ARNT2: variants seen among roughly 807,000 people sequenced by gnomAD.
ARNT2 encodes aryl hydrocarbon receptor nuclear translocator 2, also known as ARNT protein 2.
Under a neutral mutation model 91.7 loss-of-function variants are expected in ARNT2, and 36 were observed. The observed-to-expected ratio is 0.39, with a 90% CI of 0.30 to 0.52. ARNT2 has a LOEUF of 0.52. Ranked by LOEUF, ARNT2 falls within the 20% of genes least tolerant of loss-of-function variation. The pLI is 0.72. For synonymous variants in ARNT2, 365 were observed against 347.1 expected, an observed-to-expected ratio of 1.05 and a Z score of -0.57; for missense variants, 775 against 939.3, an observed-to-expected ratio of 0.83 and a Z score of 2.29.
chr15:80,441,180 A>G (rs4321157), intron 1 of ARNT2: 2 of 979,504 alleles, frequency 2.0e-6, no homozygotes, highest in African/African-American at 3.5e-5. Flanking sequence ...ATTGATCAGT[A>G]TGCAAGACAG....
intron 8 of ARNT2, among the ~76,000 whole-genome samples, chr15:80,525,396 A>T (rs567095657): frequency 1.3e-5 from 2 of 152,272 alleles, no homozygotes; most frequent in South Asian, 4.2e-4. Context: ...CACATATAAC[A>T]CTATTTTGTG....
At chr15:80,499,756 G>C (rs1897166106) in intron 5 of ARNT2, among the ~76,000 whole-genome samples, 1 of 152,182 alleles carries the variant, frequency 6.6e-6, no homozygotes, top group South Asian at 2.1e-4. Context: ...GGGTGTGTCA[G>C]GTGCTCAGTC....
At chr15:80,587,976 A>G (rs1893207887) in intron 17 of ARNT2, among the ~76,000 whole-genome samples, 1 of 152,222 alleles carries the variant, frequency 6.6e-6, no homozygotes. Context: ...GACCGCGGTC[A>G]ACCACTAAGC....
chr15:80,521,063 C>T (rs1332460115), intron 8 of ARNT2, among the ~76,000 whole-genome samples: 3 of 152,134 alleles, frequency 2.0e-5, no homozygotes, highest in African/African-American at 4.8e-5. Flanking sequence ...CATTCCTAGA[C>T]ACGATGTTAA....
chr15:80,421,467 T>A (rs1336153842), intron 1 of ARNT2, among the ~76,000 whole-genome samples: 1 of 151,866 alleles, frequency 6.6e-6, no homozygotes, highest in African/African-American at 2.4e-5. Context: ...GAAGGAAAGC[T>A]GTCATCACAA....
At chr15:80,505,747 GTGCCAATGA>G (rs1284434661) in intron 5 of ARNT2, among the ~76,000 whole-genome samples, 1 of 152,048 alleles carries the variant, frequency 6.6e-6, no homozygotes, top group African/African-American at 2.4e-5. Flanking sequence ...GGTAGTGGTG[GTGCCAATGA>G]CAAAGATAGG....
At chr15:80,528,386 CT>C (rs1897674829) in intron 8 of ARNT2, among the ~76,000 whole-genome samples, 1 of 152,016 alleles carries the variant, frequency 6.6e-6, no homozygotes, top group Admixed American at 6.6e-5. Flanking sequence ...ATCTATCTAT[CT>C]ATCTATCTAT....
At chr15:80,484,576 T>C (rs1388623557) in intron 5 of ARNT2, among the ~76,000 whole-genome samples, 1 of 152,278 alleles carries the variant, frequency 6.6e-6, no homozygotes, top group Non-Finnish European at 1.5e-5. Flanking sequence ...ATGCATAGCA[T>C]GGCTGATGCT....
chr15:80,413,338 C>T (rs546042482), intron 1 of ARNT2, among the ~76,000 whole-genome samples: 10 of 152,306 alleles, frequency 6.6e-5, no homozygotes, highest in South Asian at 2.1e-4. Flanking sequence ...CTTTGCTCAC[C>T]GTCTATTGTC....
chr15:80,471,195 C>T (rs887638695), intron 4 of ARNT2, among the ~76,000 whole-genome samples: 4 of 152,192 alleles, frequency 2.6e-5, no homozygotes, highest in African/African-American at 9.7e-5. Flanking sequence ...TACTACACAG[C>T]CATATAAAAG....
chr15:80,575,183 T>C, intron 14 of ARNT2, 73 bp downstream of exon 14: 18 of 1,575,540 alleles, frequency 1.1e-5, no homozygotes, highest in Non-Finnish European at 1.6e-5. Context: ...TACAGACAGC[T>C]ACTCTTAGTA....
chr15:80,520,866 CAG>C (rs1299274084), intron 8 of ARNT2, among the ~76,000 whole-genome samples: 2 of 152,130 alleles, frequency 1.3e-5, no homozygotes, highest in Admixed American at 6.5e-5. Flanking sequence ...CTTGTGGCTG[CAG>C]AGTTTACCCC....
Position 80,593,848 on chromosome 15 carries a change from A to G in ARNT2, c.*150A>G. The G allele has an allele frequency of 1.4e-6, 1 of 692,582 alleles. No individual in the cohort carries two copies. Among genetic ancestry groups the G allele is most frequent in the Admixed American group, 2.5e-5 (1 of 40,590 alleles). 42.9% of individuals were successfully genotyped at this position (692,582 alleles called of 1,614,324 possible). On this transcript the variant is annotated 3_prime_UTR_variant, in exon 19 of 19. Transcript: ENST00000303329. ...CCCGCTGTGTGTCCCCAGGCGCATC[A>G]TTGCTCCACTCTCCCCTGCAGCCGC...
chr15:80,486,947 A>G (rs1388492276), intron 5 of ARNT2, among the ~76,000 whole-genome samples: 5 of 152,016 alleles, frequency 3.3e-5, no homozygotes, highest in Non-Finnish European at 5.9e-5. Flanking sequence ...TTCCTGCTCT[A>G]TTCCTCTTCA....
chr15:80,480,362 G>A (rs182111651), intron 5 of ARNT2, among the ~76,000 whole-genome samples: 1 of 152,238 alleles, frequency 6.6e-6, no homozygotes, highest in Non-Finnish European at 1.5e-5. Flanking sequence ...AAGGGAGCAT[G>A]GAGTGAGCAG....
In ARNT2 at chr15:80,504,991, G is replaced by A. The variant is rs118139269; in HGVS notation, c.623-3165G>A. On this transcript the variant is annotated intron_variant, in intron 5 of 18. Coordinates refer to ENST00000303329, the MANE Select transcript of ARNT2 (RefSeq NM_014862.4). The stretch of plus-strand genomic sequence containing the variant: ...TTGGAGGCCTTTTATACTGGTCTGC[G>A]GGACTTGGATTTTCCTGACAACTAA... Among the ~76,000 whole-genome samples the A allele has an allele frequency of 4.8e-4, 73 of 152,276 alleles. 1 individual carries two copies. In the East Asian group the frequency reaches 0.01, roughly 22 times the overall value.
chr15:80,422,585 C>G (rs1386217427), intron 1 of ARNT2, among the ~76,000 whole-genome samples: 1 of 152,028 alleles, frequency 6.6e-6, no homozygotes, highest in Admixed American at 6.6e-5. Flanking sequence ...AGTAAGTGAC[C>G]GCAAATGGAA....
chr15:80,461,265 G>A (rs1385690194), intron 3 of ARNT2, among the ~76,000 whole-genome samples: 1 of 152,232 alleles, frequency 6.6e-6, no homozygotes, highest in East Asian at 1.9e-4. Context: ...AGGGAATGGA[G>A]GCTTTTCTCA....
chr15:80,414,809 A>G (rs1373410679), intron 1 of ARNT2, among the ~76,000 whole-genome samples: 1 of 150,838 alleles, frequency 6.6e-6, no homozygotes, highest in Non-Finnish European at 1.5e-5. Flanking sequence ...GAAAACTTCC[A>G]ATTCAGTTCA....
Sources: gnomAD v4.1 joint callset for allele counts (sites outside exome capture counted in the v4.1 genomes callset) on GRCh38, gnomAD v4.1.1 for gene constraint, MANE v1.5 for transcripts, NCBI Gene and HGNC (gene_info 2026-07-23, HGNC 2026-07-21) for gene names.